DYTN: variants seen among roughly 807,000 people sequenced by gnomAD.
DYTN encodes dystrotelin.
DYTN carries 75 observed loss-of-function variants against 69.6 expected under a neutral mutation model. The observed-to-expected ratio is 1.08, with a 90% CI of 0.89 to 1.31. DYTN has a LOEUF of 1.31. Ranked by LOEUF, DYTN falls within the 50% of genes most tolerant of loss-of-function variation. The pLI, the probability that DYTN is intolerant of heterozygous loss-of-function variation, is 0.00. For synonymous variants in DYTN, 252 were observed against 249.1 expected, an observed-to-expected ratio of 1.01 and a Z score of -0.11; for missense variants, 726 against 688.4, an observed-to-expected ratio of 1.05 and a Z score of -0.61.
At chr2:206,696,388 G>A (rs941585216) in intron 7 of DYTN, among the ~76,000 whole-genome samples, 6 of 152,166 alleles carry the variant, frequency 3.9e-5, no homozygotes, top group African/African-American at 1.4e-4. Context: ...GCAGGAGAAT[G>A]TAAATACCTT....
chr2:206,696,334 T>C (rs1699919466), intron 7 of DYTN, among the ~76,000 whole-genome samples: 1 of 152,186 alleles, frequency 6.6e-6, no homozygotes, highest in Admixed American at 6.5e-5. Context: ...TGAGGCCAGA[T>C]GGCAGAAGGT....
chr2:206,655,215 T>TG (rs2105885579), intron 11 of DYTN, among the ~76,000 whole-genome samples: 1 of 151,914 alleles, frequency 6.6e-6, no homozygotes, highest in East Asian at 1.9e-4. Context: ...TGTAAAATGC[T>TG]TTTTTCCTAT....
At chr2:206,693,089 T>C in intron 9 of DYTN, 86 bp downstream of exon 9, 5 of 1,473,782 alleles carry the variant, frequency 3.4e-6, no homozygotes, top group Non-Finnish European at 4.5e-6. Flanking sequence ...ATCTTCAGCA[T>C]TAGAAAGATT....
At chr2:206,689,235 G>T (rs917545950) in intron 9 of DYTN, among the ~76,000 whole-genome samples, 2 of 152,134 alleles carry the variant, frequency 1.3e-5, no homozygotes, top group Non-Finnish European at 2.9e-5. Context: ...AAGGGAGAAG[G>T]CTTATTACCA....
At chr2:206,715,010 G>A (rs1049378930) in intron 1 of DYTN, among the ~76,000 whole-genome samples, 2 of 151,586 alleles carry the variant, frequency 1.3e-5, no homozygotes, top group African/African-American at 4.9e-5. Context: ...CTTAGTGCAT[G>A]TTGAAGGAAC....
chr2:206,659,332 C>T (rs1249589764), intron 11 of DYTN, among the ~76,000 whole-genome samples: 4 of 150,986 alleles, frequency 2.6e-5, no homozygotes, highest in Non-Finnish European at 3.0e-5. Context: ...CCACCACGCC[C>T]GGCTAATTTT....
At position 206,663,150 on chromosome 2, in the gene DYTN, G is replaced by A. The variant is rs752520230; in HGVS notation, c.1386C>T (p.Ser462=). Residue 462 remains serine (S), a synonymous_variant, in exon 11 of 12, where the codon AGC becomes AGT. Coordinates refer to ENST00000452335, the MANE Select transcript of DYTN (RefSeq NM_001093730.1). ...TTTGTGTTTGGCTTTGTGCCCTGGTGCTGTGCAAAGTGGTCTCTGGTGATT... is the reference window on the plus strand; with the variant it reads ...TTTGTGTTTGGCTTTGTGCCCTGGTACTGTGCAAAGTGGTCTCTGGTGATT... ...NPESPETTLH[S]TRAQSQTQKM... The A allele has an allele frequency of 1.1e-5, 17 of 1,613,824 alleles. No homozygotes were observed. The highest frequency in any genetic ancestry group is 1.7e-6 in the Non-Finnish European group (2 of 1,179,888).
Position 206,718,350 on chromosome 2 carries a change from A to G in DYTN, c.-71T>C, listed in dbSNP as rs375554872. On this transcript the variant is annotated 5_prime_UTR_variant, in exon 1 of 12. Coordinates refer to ENST00000452335, the MANE Select transcript of DYTN (RefSeq NM_001093730.1). The stretch of plus-strand genomic sequence containing the variant: ...CTAGAAATGAACCAGTATTTTAAGC[A>G]GAAGGTTTTGCAGCAGAGGAATGAG... The G allele has an allele frequency of 5.1e-5, 78 of 1,540,016 alleles. 1 individual carries two copies. In the Middle Eastern group the frequency reaches 1.7e-3, roughly 33 times the overall value.
intron 10 of DYTN, among the ~76,000 whole-genome samples, chr2:206,665,593 C>T (rs1699561251): frequency 6.6e-6 from 1 of 152,100 alleles, no homozygotes; most frequent in Non-Finnish European, 1.5e-5. Flanking sequence ...TACAGGGATC[C>T]TGAGATCAAA....
chr2:206,693,057 C>G (rs1033008438), intron 9 of DYTN, 118 bp downstream of exon 9: 5 of 1,377,772 alleles, frequency 3.6e-6, no homozygotes, highest in Non-Finnish European at 2.9e-6. Flanking sequence ...CAACCCTCAC[C>G]CCTCCTCCTG....
At chr2:206,711,711 A>G (rs1000810899) in intron 1 of DYTN, among the ~76,000 whole-genome samples, 1 of 151,824 alleles carries the variant, frequency 6.6e-6, no homozygotes, top group African/African-American at 2.4e-5. Flanking sequence ...CATTAGGTGT[A>G]TCTCCCAATC....
intron 4 of DYTN, among the ~76,000 whole-genome samples, chr2:206,705,232 GA>G (rs1700013969): frequency 6.6e-6 from 1 of 152,208 alleles, no homozygotes; most frequent in South Asian, 2.1e-4. Context: ...GAGTAGCTGG[GA>G]TTACAGGCGT....
chr2:206,698,259 T>C (rs767209535), intron 7 of DYTN, among the ~76,000 whole-genome samples: 5 of 152,224 alleles, frequency 3.3e-5, no homozygotes, highest in African/African-American at 1.2e-4. Context: ...CGAATTTTCA[T>C]GAATGAAGTT....
chr2:206,657,982 C>G (rs1699468618), intron 11 of DYTN, among the ~76,000 whole-genome samples: 1 of 152,152 alleles, frequency 6.6e-6, no homozygotes, highest in African/African-American at 2.4e-5. Context: ...TTCTACAACT[C>G]CCATATTACA....
At position 206,691,824 on chromosome 2, in the gene DYTN, G is replaced by A. The variant is rs184236589; in HGVS notation, c.980+1351C>T. Among the ~76,000 whole-genome samples the A allele has an allele frequency of 5.3e-3, 807 of 152,256 alleles. 5 individuals are homozygous for A. The highest frequency in any genetic ancestry group is 9.6e-3 in the Non-Finnish European group (653 of 68,016). ...AAGCAACAAAATGACCACAGAAATA[G>A]GGGTCTGGGATTGAGATGGAGATTT... is the stretch of plus-strand genomic sequence containing the variant. On this transcript the variant is annotated intron_variant, in intron 9 of 11. Transcript: ENST00000452335.
chr2:206,687,814 G>A (rs1289497213), intron 9 of DYTN, among the ~76,000 whole-genome samples: 3 of 151,820 alleles, frequency 2.0e-5, no homozygotes, highest in Non-Finnish European at 2.9e-5. Flanking sequence ...ATTATATTTT[G>A]TATTCTCATC....
intron 7 of DYTN, among the ~76,000 whole-genome samples, chr2:206,699,258 ATCCCATC>A (rs1559315456): frequency 6.6e-6 from 1 of 152,116 alleles, no homozygotes; most frequent in African/African-American, 2.4e-5. Flanking sequence ...ACACAATAAG[ATCCCATC>A]TCTACAAAAA....
chr2:206,679,874 C>T (rs766257831), intron 9 of DYTN, among the ~76,000 whole-genome samples: 5 of 152,152 alleles, frequency 3.3e-5, no homozygotes, highest in Non-Finnish European at 5.9e-5. Context: ...ATGACAAACT[C>T]GATTCCTACC....
At chr2:206,666,738 C>T (rs923967880) in intron 9 of DYTN, among the ~76,000 whole-genome samples, 77 of 145,638 alleles carry the variant, frequency 5.3e-4, no homozygotes, top group African/African-American at 1.9e-3. Flanking sequence ...CATGGGTGTG[C>T]GTGTGTGTGT....
Sources: allele counts gnomAD v4.1 joint callset (sites outside exome capture counted in the v4.1 genomes callset), GRCh38; gene constraint gnomAD v4.1.1; transcripts MANE v1.5; gene names NCBI Gene and HGNC (gene_info 2026-07-23, HGNC 2026-07-21).